PCSK5: variants seen among roughly 807,000 people sequenced by gnomAD.
PCSK5 encodes the protein proprotein convertase subtilisin/kexin type 5.
In PCSK5, 129 loss-of-function variants were observed where a neutral mutation model predicts 233.2. The ratio of observed to expected loss-of-function variants is 0.55; its 90% CI spans 0.48 to 0.64. The LOEUF (loss-of-function observed/expected upper bound fraction) is 0.64. Ranked by LOEUF, PCSK5 falls within the 30% of genes least tolerant of loss-of-function variation. The probability of loss-of-function intolerance (pLI) is 0.00; values close to 1 mark genes in which losing one functional copy is unlikely to be tolerated. For missense variants in PCSK5, 2,076 were observed against 2,430.1 expected, an observed-to-expected ratio of 0.85 and a Z score of 3.06; for synonymous variants, 825 against 879.2, an observed-to-expected ratio of 0.94 and a Z score of 1.09.
At chr9:76,309,390 T>A (rs566208517) in intron 29 of PCSK5, among the ~76,000 whole-genome samples, 1 of 152,282 alleles carries the variant, frequency 6.6e-6, no homozygotes, top group Admixed American at 6.5e-5. Flanking sequence ...AATGGTACAC[T>A]GACATAAAGA....
At chr9:76,265,520 T>A (rs923871840) in intron 24 of PCSK5, among the ~76,000 whole-genome samples, 22 of 152,158 alleles carry the variant, frequency 1.4e-4, no homozygotes, top group African/African-American at 4.8e-4. Flanking sequence ...ATAAATGCAA[T>A]GCATGATCCT....
At chr9:76,046,076 C>G (rs1376643137) in intron 5 of PCSK5, among the ~76,000 whole-genome samples, 4 of 142,626 alleles carry the variant, frequency 2.8e-5, no homozygotes, top group Non-Finnish European at 4.5e-5. Flanking sequence ...TTTCTTTTGT[C>G]TTGTTTTATG....
intron 2 of PCSK5, among the ~76,000 whole-genome samples, chr9:75,982,175 G>A (rs1826305285): frequency 6.6e-6 from 1 of 151,826 alleles, no homozygotes; most frequent in South Asian, 2.1e-4. Context: ...CTCTTTTATG[G>A]TTGTATTGTA....
chr9:76,004,916 A>G (rs1827411758), intron 3 of PCSK5, among the ~76,000 whole-genome samples: 1 of 152,228 alleles, frequency 6.6e-6, no homozygotes, highest in African/African-American at 2.4e-5. Flanking sequence ...GTGTTTAAAA[A>G]TCAAGATATC....
At chr9:76,286,935 C>T (rs561217308) in intron 24 of PCSK5, 9 of 239,182 alleles carry the variant, frequency 3.8e-5, no homozygotes, top group South Asian at 6.2e-5. Context: ...GTGCAGCCTG[C>T]CCTGTGGAAA....
intron 7 of PCSK5, among the ~76,000 whole-genome samples, chr9:76,086,330 G>A (rs1182665881): frequency 6.6e-6 from 1 of 152,184 alleles, no homozygotes; most frequent in African/African-American, 2.4e-5. Context: ...CTTTGAGTGA[G>A]GAATTGAGAA....
chr9:76,057,824 T>G (rs1407519042), intron 5 of PCSK5, among the ~76,000 whole-genome samples: 1 of 145,662 alleles, frequency 6.9e-6, no homozygotes, highest in Non-Finnish European at 1.5e-5. Flanking sequence ...CAGGAAAGTA[T>G]TCAGGGGCTT....
chr9:76,227,409 C>A, intron 20 of PCSK5, 94 bp from the exon 21 acceptor site: 1 of 827,362 alleles, frequency 1.2e-6, no homozygotes, highest in South Asian at 1.5e-5. Flanking sequence ...GCATTGCTTT[C>A]AGGCAGCCAC....
chr9:76,292,986 G>A (rs1828323992), intron 25 of PCSK5, among the ~76,000 whole-genome samples: 1 of 152,116 alleles, frequency 6.6e-6, no homozygotes, highest in Admixed American at 6.6e-5. Flanking sequence ...TTCATCTCTC[G>A]ATCATTTTAT....
intron 1 of PCSK5, among the ~76,000 whole-genome samples, chr9:75,916,736 G>A (rs1823016097): frequency 6.6e-6 from 1 of 152,136 alleles, no homozygotes; most frequent in Admixed American, 6.5e-5. Flanking sequence ...ACAGGTAAAT[G>A]GGAGCCAGAT....
intron 5 of PCSK5, among the ~76,000 whole-genome samples, chr9:76,039,161 A>T (rs928613093): frequency 1.3e-5 from 2 of 152,152 alleles, no homozygotes; most frequent in Non-Finnish European, 2.9e-5. Context: ...AGTTCATTCC[A>T]CTTATGTTCG....
intron 4 of PCSK5, among the ~76,000 whole-genome samples, chr9:76,025,403 GA>G (rs1828379302): frequency 2.8e-5 from 2 of 71,962 alleles, no homozygotes; most frequent in African/African-American, 1.7e-4. Context: ...AAAATGAGGA[GA>G]GAGAGAGAGA....
intron 20 of PCSK5, among the ~76,000 whole-genome samples, chr9:76,224,123 A>T (rs1249375268): frequency 6.6e-6 from 1 of 152,200 alleles, no homozygotes; most frequent in Non-Finnish European, 1.5e-5. Context: ...TGAAGTTTTC[A>T]CCATTTTGTT....
intron 24 of PCSK5, among the ~76,000 whole-genome samples, chr9:76,283,581 C>T (rs1827953453): frequency 6.6e-6 from 1 of 152,158 alleles, no homozygotes; most frequent in Admixed American, 6.5e-5. Flanking sequence ...TTTGTGTGAC[C>T]TGCTTTATTG....
chr9:76,251,189 C>T (rs563020666), intron 24 of PCSK5, among the ~76,000 whole-genome samples: 1 of 152,250 alleles, frequency 6.6e-6, no homozygotes, highest in African/African-American at 2.4e-5. Context: ...AAGACTTAAG[C>T]CCAGGAGTTC....
chr9:76,175,376 C>T (rs1304708239), intron 14 of PCSK5: 3 of 517,778 alleles, frequency 5.8e-6, no homozygotes, highest in Admixed American at 7.3e-5. Flanking sequence ...TTTTCTTCCC[C>T]TTAAATATTT....
chr9:76,261,108 C>T (rs1383703054), intron 24 of PCSK5, among the ~76,000 whole-genome samples: 1 of 152,098 alleles, frequency 6.6e-6, no homozygotes, highest in Non-Finnish European at 1.5e-5. Flanking sequence ...AAATTTCTGA[C>T]ATGCAAAACC....
chr9:76,080,055 G>C (rs7873601), intron 7 of PCSK5, among the ~76,000 whole-genome samples: 106,799 of 151,934 alleles, frequency 0.7, 37,849 homozygotes, highest in South Asian at 0.82. Context: ...AGTTTCTTAT[G>C]TCCTCCCTAA....
At chr9:76,013,206 C>T (rs1336291334) in intron 3 of PCSK5, among the ~76,000 whole-genome samples, 1 of 152,114 alleles carries the variant, frequency 6.6e-6, no homozygotes, top group Non-Finnish European at 1.5e-5. Flanking sequence ...TGAGTTTAAA[C>T]AGGTTAAACT....
Sources: allele counts gnomAD v4.1 joint callset (sites outside exome capture counted in the v4.1 genomes callset), GRCh38; gene constraint gnomAD v4.1.1; transcripts MANE v1.5; gene names NCBI Gene and HGNC (gene_info 2026-07-23, HGNC 2026-07-21).